TAFA2: variants seen among roughly 807,000 people sequenced by gnomAD.
TAFA2 encodes the protein TAFA chemokine like family member 2, also known as chemokine-like protein TAFA-2.
In TAFA2, 7 loss-of-function variants were observed where a neutral mutation model predicts 18.8. The ratio of observed to expected loss-of-function variants is 0.37; its 90% CI spans 0.21 to 0.70. The LOEUF is 0.70. TAFA2 is among the 30% of genes least tolerant of loss of function. The pLI is 0.53. For synonymous variants in TAFA2, 60 were observed against 54.2 expected (o/e 1.11, Z -0.47); for missense variants, 122 against 158.1 (o/e 0.77, Z 1.23).
chr12:62,091,652 T>C (rs1236153564), intron 1 of TAFA2, among the ~76,000 whole-genome samples: 3 of 151,930 alleles, frequency 2.0e-5, no homozygotes, highest in African/African-American at 7.2e-5. Flanking sequence ...TTGCCATTTT[T>C]ATCATTACCC....
intron 1 of TAFA2, chr12:61,880,373 A>G: frequency 1.9e-6 from 1 of 525,470 alleles, no homozygotes; most frequent in Non-Finnish European, 3.8e-6. Flanking sequence ...GGATGCCAAC[A>G]CCAAGCTGTT....
intron 1 of TAFA2, among the ~76,000 whole-genome samples, chr12:61,998,882 G>A (rs1015802164): frequency 1.3e-5 from 2 of 152,166 alleles, no homozygotes; most frequent in Non-Finnish European, 2.9e-5. Flanking sequence ...CTGCCAAACA[G>A]CTCACCTAGA....
rs113703758 is a variant in TAFA2 at position 61,786,422 on chromosome 12, T to C, written c.107-31398A>G. 3.6e-3 allele frequency among the ~76,000 whole-genome samples: 541 copies of C among 151,692 alleles called. 3 individuals carry two copies. The highest frequency in any genetic ancestry group is 0.012 in the African/African-American group (514 of 41,442). ...TCAAAAAAGGTAAAATCTAAAAGTC[T>C]GTCATCCACTCAAAAATGACCAGCC... On this transcript the variant is annotated intron_variant, in intron 2 of 4. Transcript: ENST00000416284.
chr12:61,784,598 C>G (rs1430233734), intron 2 of TAFA2, among the ~76,000 whole-genome samples: 1 of 150,870 alleles, frequency 6.6e-6, no homozygotes, highest in Non-Finnish European at 1.5e-5. Context: ...TTGGAGTGCT[C>G]AAGACTTTTT....
intron 1 of TAFA2, among the ~76,000 whole-genome samples, chr12:62,092,897 C>G (rs556844990): frequency 6.6e-6 from 1 of 152,070 alleles, no homozygotes; most frequent in South Asian, 2.1e-4. Flanking sequence ...TCCCAAATCC[C>G]ATATAATTTT....
intron 1 of TAFA2, among the ~76,000 whole-genome samples, chr12:62,044,322 A>G (rs996610233): frequency 6.6e-6 from 1 of 152,108 alleles, no homozygotes; most frequent in Non-Finnish European, 1.5e-5. Context: ...CCATATTTAT[A>G]CTACTTAGAG....
Position 61,903,377 on chromosome 12 carries a change from T to C in TAFA2, c.-1-35951A>G, listed in dbSNP as rs566443538. Among the ~76,000 whole-genome samples, 232 of 152,318 alleles carry C rather than the reference T, an allele frequency of 1.5e-3. 1 individual carries two copies. Among genetic ancestry groups the C allele is most frequent in the African/African-American group, 5.4e-3 (224 of 41,566 alleles). On this transcript the variant is annotated intron_variant, in intron 1 of 4. Transcript: ENST00000416284. ...TTTCTCTCTTCAAGTTTAATCTCTT[T>C]AGAGAGGCTTTCCAATTATGTGTAC...
At chr12:61,869,829 C>A (rs1874519685) in intron 1 of TAFA2, among the ~76,000 whole-genome samples, 1 of 152,082 alleles carries the variant, frequency 6.6e-6, no homozygotes, top group Non-Finnish European at 1.5e-5. Context: ...TTTTTTCAAC[C>A]ATCCTGACTC....
chr12:62,089,102 C>T (rs1347263178), intron 1 of TAFA2, among the ~76,000 whole-genome samples: 1 of 152,124 alleles, frequency 6.6e-6, no homozygotes, highest in Non-Finnish European at 1.5e-5. Context: ...AATAGAACTT[C>T]AGGCCACCCT....
chr12:62,157,708 C>A (rs569042920), intron 1 of TAFA2, among the ~76,000 whole-genome samples: 1 of 152,180 alleles, frequency 6.6e-6, no homozygotes, highest in East Asian at 1.9e-4. Context: ...ACCACTGTGA[C>A]CATCCTGACT....
rs886859821 is a variant in TAFA2 at position 62,187,227 on chromosome 12, AT to A, written c.-2+4031del. Among the ~76,000 whole-genome samples the A allele has an allele frequency of 1.0e-3, 154 of 152,006 alleles. 2 individuals are homozygous for A. Among genetic ancestry groups the A allele is most frequent in the African/African-American group, 3.5e-3 (145 of 41,496 alleles). On this transcript the variant is annotated intron_variant, in intron 1 of 4. Transcript: ENST00000416284. ...TGTCTCCGCATTGAGGACAAAAATG[AT>A]TTTTTTTGCATTTGTAGCCTAGTAA...
At chr12:61,951,270 T>C (rs1474412509) in intron 1 of TAFA2, among the ~76,000 whole-genome samples, 1 of 152,182 alleles carries the variant, frequency 6.6e-6, no homozygotes, top group Non-Finnish European at 1.5e-5. Flanking sequence ...GCAAATGGTC[T>C]TCCCAAGAAG....
chr12:62,187,193 C>T (rs1341889876), intron 1 of TAFA2, among the ~76,000 whole-genome samples: 1 of 152,124 alleles, frequency 6.6e-6, no homozygotes, highest in East Asian at 1.9e-4. Flanking sequence ...TCAATAAAAA[C>T]ATCCACAGTG....
chr12:61,765,952 C>T (rs768702191), intron 2 of TAFA2, among the ~76,000 whole-genome samples: 21 of 152,168 alleles, frequency 1.4e-4, no homozygotes, highest in Non-Finnish European at 2.4e-4. Context: ...AGTTAGTTCA[C>T]TGTCAGTTCC....
chr12:62,202,412 T>A (rs2062675036), intron 1 of TAFA2, among the ~76,000 whole-genome samples: 1 of 151,934 alleles, frequency 6.6e-6, no homozygotes, highest in African/African-American at 2.4e-5. Flanking sequence ...AATGATACGA[T>A]CTTGGCTCAC....
chr12:61,891,146 T>A (rs1875615601), intron 1 of TAFA2, among the ~76,000 whole-genome samples: 1 of 152,134 alleles, frequency 6.6e-6, no homozygotes, highest in Admixed American at 6.6e-5. Flanking sequence ...AATACCTAAA[T>A]AAACCAATGT....
At chr12:62,220,950 T>C (rs969443150) in intron 1 of TAFA2, among the ~76,000 whole-genome samples, 3 of 150,714 alleles carry the variant, frequency 2.0e-5, no homozygotes, top group South Asian at 4.2e-4. Context: ...TACTAAAAAA[T>C]AGAAAAATTA....
rs550897413 is a variant in TAFA2 at position 61,760,159 on chromosome 12, C to A, written c.107-5135G>T. On this transcript the variant is annotated intron_variant, in intron 2 of 4. Coordinates refer to ENST00000416284, the MANE Select transcript of TAFA2 (RefSeq NM_178539.5). ...GGTGAGAAATGAACTTTGTAAAAAC[C>A]TCTCTCAGCCTTTGTCCTTCTTATT... Among the ~76,000 whole-genome samples the A allele has an allele frequency of 4.0e-5, 6 of 149,372 alleles. No individual in the cohort carries two copies. The East Asian group carries it at 9.9e-4, about 25-fold the overall frequency.
At chr12:61,731,861 T>A (rs1332941359) in intron 4 of TAFA2, among the ~76,000 whole-genome samples, 1 of 152,100 alleles carries the variant, frequency 6.6e-6, no homozygotes, top group African/African-American at 2.4e-5. Flanking sequence ...TGAAACAGGT[T>A]ATGTGTTCTA....
Sources: allele counts gnomAD v4.1 joint callset (sites outside exome capture counted in the v4.1 genomes callset), GRCh38; gene constraint gnomAD v4.1.1; transcripts MANE v1.5; gene names NCBI Gene and HGNC (gene_info 2026-07-23, HGNC 2026-07-21).